The following PIGF variants were observed in gnomAD, a reference collection of about 807,000 sequenced individuals.
The protein encoded by PIGF is GPI ethanolamine phosphate transferase, stabilizing subunit.
PIGF carries 23 observed loss-of-function variants against 26.0 expected under a neutral mutation model. That is an observed-to-expected ratio of 0.88 (90% confidence interval 0.64 to 1.25). The LOEUF is 1.25. Among genes scored for constraint, PIGF ranks in the 50% most tolerant of loss-of-function variants. The probability of loss-of-function intolerance (pLI) is 0.00; values close to 1 mark genes in which losing one functional copy is unlikely to be tolerated. For missense variants in PIGF, 278 were observed against 249.9 expected, an observed-to-expected ratio of 1.11 and a Z score of -0.76; for synonymous variants, 93 against 92.6, an observed-to-expected ratio of 1.00 and a Z score of -0.03.
intron 4 of PIGF, 51 bp downstream of exon 4, chr2:46,612,177 A>C: frequency 5.3e-6 from 3 of 570,450 alleles, no homozygotes; most frequent in South Asian, 4.0e-5. Context: ...AAAATACTTC[A>C]TTAATTATTT....
intron 1 of PIGF, 94 bp from the exon 2 acceptor site, chr2:46,615,279 T>C: frequency 3.2e-6 from 2 of 622,060 alleles, no homozygotes; most frequent in Non-Finnish European, 5.8e-6. Context: ...ATAAAGTCAA[T>C]TTTCTATGAG....
intron 2 of PIGF, 30 bp from the exon 3 acceptor site, chr2:46,613,815 C>A: frequency 6.7e-7 from 1 of 1,496,064 alleles, no homozygotes; most frequent in South Asian, 1.2e-5. Flanking sequence ...CCTGAAGATT[C>A]AAGATAATGC....
intron 4 of PIGF, among the ~76,000 whole-genome samples, chr2:46,600,703 A>G (rs1240284487): frequency 6.6e-6 from 1 of 152,136 alleles, no homozygotes; most frequent in Non-Finnish European, 1.5e-5. Context: ...GTCTAGAACC[A>G]TCCAATTTCC....
intron 5 of PIGF, among the ~76,000 whole-genome samples, chr2:46,590,369 A>G (rs1669689724): frequency 6.6e-6 from 1 of 152,158 alleles, no homozygotes; most frequent in African/African-American, 2.4e-5. Flanking sequence ...TAATTAAGAT[A>G]TATATTTTCT....
chr2:46,596,866 T>C (rs1288711561), intron 4 of PIGF, among the ~76,000 whole-genome samples: 1 of 152,196 alleles, frequency 6.6e-6, no homozygotes, highest in Non-Finnish European at 1.5e-5. Flanking sequence ...ATGATGATTA[T>C]AAAACTGCTA....
chr2:46,591,275 T>G lies in PIGF; in HGVS notation c.546+1200A>C, dbSNP rs1046779125. On this transcript the variant is annotated intron_variant, in intron 5 of 5. Coordinates refer to ENST00000281382, the MANE Select transcript of PIGF (RefSeq NM_002643.4). ...ATACTGCTGAGGGGAAAAAGCAGAT[T>G]AAAAACAACATGAATATTATAGTTA... is the stretch of plus-strand genomic sequence containing the variant. 3.9e-5 allele frequency among the ~76,000 whole-genome samples: 6 copies of G among 152,106 alleles called. No homozygotes were observed. The South Asian group carries it at 1.2e-3, about 31-fold the overall frequency.
Position 46,588,216 on chromosome 2 carries a change from C to A in PIGF, c.546+4259G>T. 1.2e-6 allele frequency: 2 copies of A among 1,606,594 alleles called. No homozygotes were observed. Among genetic ancestry groups the A allele is most frequent in the South Asian group, 2.2e-5 (2 of 90,168 alleles). On this transcript the variant is annotated intron_variant, in intron 5 of 5. Coordinates refer to ENST00000281382, the MANE Select transcript of PIGF (RefSeq NM_002643.4). The surrounding 1 kb of genome is among the most constrained non-coding windows in gnomAD (Gnocchi z 4.1). ...GACAGGATTGAAAATTATGTGAAAT[C>A]CAAATACCCTAAATTGGCATAACTA...
At chr2:46,582,058 A>C (rs1173321187) in intron 5 of PIGF, 1 of 155,534 alleles carries the variant, frequency 6.4e-6, no homozygotes. Flanking sequence ...GTGTTACATG[A>C]AAATTGTAAC....
Position 46,612,348 on chromosome 2 carries a change from G to T in PIGF, c.321-4C>A. 2 of 833,722 alleles carry T rather than the reference G, an allele frequency of 2.4e-6. No homozygotes were observed. The highest frequency in any genetic ancestry group is 2.2e-5 in the South Asian group (1 of 46,268). The allele number at this position is 833,722 out of a possible 1,614,324, so 51.6% of individuals were successfully genotyped here. A position where few individuals can be genotyped will look rare whatever the true frequency, so the allele number is the denominator to read the frequency against. On this transcript the variant is annotated splice_region_variant and splice_polypyrimidine_tract_variant and intron_variant, in intron 3 of 5. Transcript: ENST00000281382. ...TAAAAATGTTTCCAATGCCAACCTA[G>T]AAAAAAAAAAAGATTACTTTTTAAA...
chr2:46,606,063 C>A (rs1329407345), intron 4 of PIGF, among the ~76,000 whole-genome samples: 2 of 152,138 alleles, frequency 1.3e-5, no homozygotes, highest in African/African-American at 4.8e-5. Context: ...TAGGTGACAT[C>A]AGAGAAATCT....
chr2:46,584,879 T>A (rs927202855), intron 5 of PIGF, among the ~76,000 whole-genome samples: 2 of 152,204 alleles, frequency 1.3e-5, no homozygotes, highest in Admixed American at 1.3e-4. Flanking sequence ...TAAGAACTAT[T>A]CCTCAAGCAA....
intron 5 of PIGF, chr2:46,587,999 TA>T: frequency 7.9e-7 from 1 of 1,269,558 alleles, no homozygotes; most frequent in African/African-American, 1.5e-5. Context: ...CCCACCTGAG[TA>T]ATGCTAAGCA....
chr2:46,612,306 G>T lies in PIGF; in HGVS notation c.359C>A (p.Ser120Tyr). Reference sequence around the variant, plus strand: ...TAAGCAAGGCACAGTAGTAAAAGTAGACAAAATAACTGCAAATAAAAATGT... The same window carrying T: ...TAAGCAAGGCACAGTAGTAAAAGTATACAAAATAACTGCAAATAAAAATGT... ...LETFLFAVIL[S>Y]TFTTVPCLCL... Residue 120 changes from serine (S) to tyrosine (Y), a missense_variant, in exon 4 of 6, where the codon TCT becomes TAT. Ser to Tyr is a moderately radical substitution (Grantham distance 144, BLOSUM62 -2). Transcript: ENST00000281382. The T allele has an allele frequency of 6.8e-7, 1 of 1,464,710 alleles. No homozygotes were observed. The highest frequency in any genetic ancestry group is 9.1e-7 in the Non-Finnish European group (1 of 1,097,550). 90.7% of individuals were successfully genotyped at this position (1,464,710 alleles called of 1,614,324 possible).
At position 46,615,119 on chromosome 2, in the gene PIGF, A is replaced by C. The variant is rs1670569524; in HGVS notation, c.46T>G (p.Cys16Gly). The C allele has an allele frequency of 6.3e-7, 1 of 1,579,396 alleles. No homozygotes were observed. Among genetic ancestry groups the C allele is most frequent in the Non-Finnish European group, 8.7e-7 (1 of 1,148,508 alleles). The change falls in exon 2 of 6, where the codon TGC (cysteine) becomes GGC (glycine). Residue 16 changes from cysteine to glycine, a missense_variant. Coordinates refer to ENST00000281382, the MANE Select transcript of PIGF (RefSeq NM_002643.4). Reference sequence around the variant, plus strand: ...ACACTTAGGATAATTGAAAATATGCATAAAAGATGGGTATACAGTAGTCTC... The same window carrying C: ...ACACTTAGGATAATTGAAAATATGCCTAAAAGATGGGTATACAGTAGTCTC... ...IKRLLYTHLL[C>G]IFSIILSVFI...
At position 46,588,331 on chromosome 2, in the gene PIGF, A is replaced by G. The variant is rs1367485639; in HGVS notation, c.546+4144T>C. ...AATAAAACAACAAACTGAGACAATT[A>G]ACATATTCTCTAATATATGAGAACT... On this transcript the variant is annotated intron_variant, in intron 5 of 5. Transcript: ENST00000281382. The surrounding 1 kb of genome is among the most constrained non-coding windows in gnomAD (Gnocchi z 4.1). 3 of 1,002,166 alleles carry G rather than the reference A, an allele frequency of 3.0e-6. No homozygotes were observed. Among genetic ancestry groups the G allele is most frequent in the Non-Finnish European group, 4.3e-6 (3 of 704,882 alleles). 62.1% of individuals were successfully genotyped at this position (1,002,166 alleles called of 1,614,324 possible).
chr2:46,582,060 A>G (rs1254907743), intron 5 of PIGF: 1 of 155,492 alleles, frequency 6.4e-6, no homozygotes, highest in Non-Finnish European at 1.4e-5. Context: ...GTTACATGAA[A>G]ATTGTAACAG....
intron 5 of PIGF, chr2:46,591,801 AC>A: frequency 3.1e-6 from 4 of 1,271,462 alleles, no homozygotes; most frequent in Non-Finnish European, 4.1e-6. Context: ...AAGAGCACTT[AC>A]CTCACAGTGC....
intron 4 of PIGF, among the ~76,000 whole-genome samples, chr2:46,594,895 G>C (rs577120405): frequency 6.6e-6 from 1 of 151,154 alleles, no homozygotes; most frequent in African/African-American, 2.4e-5. Context: ...TTGTTGCCTA[G>C]GCTGGAATGC....
chr2:46,615,066 G>A lies in PIGF; in HGVS notation c.99C>T (p.Asn33=), dbSNP rs1670566343. The change falls in exon 2 of 6, where the codon AAC becomes AAT. Residue 33 remains asparagine, a synonymous_variant. Coordinates refer to ENST00000281382, the MANE Select transcript of PIGF (RefSeq NM_002643.4). ...SVFIPSLFLE[N]FSILETHLTW... ...TCAAGTGTGTTTCCAATATTGAGAA[G>A]TTCTCCAAGAAGAGTGATGGAATGA... 1 of 1,596,800 alleles carries A rather than the reference G, an allele frequency of 6.3e-7. No homozygotes were observed. The highest frequency in any genetic ancestry group is 1.3e-5 in the African/African-American group (1 of 74,608).
Sources: gnomAD v4.1 joint callset for allele counts (sites outside exome capture counted in the v4.1 genomes callset) on GRCh38, gnomAD v4.1.1 for gene constraint, Gnocchi (gnomAD v3.1) non-coding constraint, MANE v1.5 for transcripts, NCBI Gene and HGNC (gene_info 2026-07-23, HGNC 2026-07-21) for gene names.